The following ESR2 variants were observed in gnomAD, a reference collection of about 807,000 sequenced individuals.
ESR2 encodes estrogen receptor 2.
Under a neutral mutation model 49.6 loss-of-function variants are expected in ESR2, and 36 were observed. That is an observed-to-expected ratio of 0.73 (90% CI 0.56 to 0.96). The LOEUF (loss-of-function observed/expected upper bound fraction) is 0.96, where lower values mean the gene tolerates loss of function less well. Among genes scored for constraint, ESR2 ranks in the 40% least tolerant of loss-of-function variants. ESR2 has a pLI of 0.00. For missense variants in ESR2, 714 were observed against 693.0 expected, an observed-to-expected ratio of 1.03 and a Z score of -0.34; for synonymous variants, 320 against 266.1, an observed-to-expected ratio of 1.20 and a Z score of -1.97.
chr14:64,310,286 A>AAATAATAATAATAATAAT (rs140862502), intron 1 of ESR2, among the ~76,000 whole-genome samples: 2,029 of 142,436 alleles, frequency 0.014, 38 homozygotes, highest in African/African-American at 0.032. Context: ...TCGTCTCAAA[A>AAATAATAATAATAATAAT]AATAATAATA....
At chr14:64,290,513 AT>A (rs2076854833) in intron 1 of ESR2, among the ~76,000 whole-genome samples, 2 of 151,982 alleles carry the variant, frequency 1.3e-5, no homozygotes, top group Admixed American at 1.3e-4. Flanking sequence ...AGCAATTCTC[AT>A]GCCTCAGCCT....
chr14:64,285,144 C>T (rs1000852253), intron 1 of ESR2, among the ~76,000 whole-genome samples: 2 of 152,108 alleles, frequency 1.3e-5, no homozygotes, highest in Admixed American at 6.6e-5. Flanking sequence ...CCACTGTGCC[C>T]GGCCAGCTCT....
chr14:64,254,445 T>C (rs563272984), intron 6 of ESR2, among the ~76,000 whole-genome samples: 1 of 152,134 alleles, frequency 6.6e-6, no homozygotes, highest in Non-Finnish European at 1.5e-5. Flanking sequence ...GTTAATGTGT[T>C]AAAAATACTA....
downstream of ESR2, chr14:64,227,999 G>A (rs1037024677): frequency 3.9e-6 from 6 of 1,543,874 alleles, no homozygotes; most frequent in Middle Eastern, 1.7e-4. Flanking sequence ...TCGATGCACT[G>A]GATACCAGGA....
rs1380688874 is a variant in ESR2, at chr14:64,230,214, AG to A, written c.*2922del. ...CCCTGTCTCAAAAAAAAAAAAAAAA[AG>A]GTGTCAAATCTTATTAAGTGAGGAT... On this transcript the variant is annotated 3_prime_UTR_variant, in exon 9 of 9. Transcript: ENST00000341099. Among the ~76,000 whole-genome samples, 33 of 146,102 alleles carry A rather than the reference AG, an allele frequency of 2.3e-4. No homozygotes were observed. Among genetic ancestry groups the A allele is most frequent in the African/African-American group, 8.1e-4 (32 of 39,366 alleles).
At position 64,310,286 on chromosome 14, in the gene ESR2, A is replaced by AAAAAAAAAAAAAAAAAAAAT. The variant is rs1555595498; in HGVS notation, c.-90-27212_-90-27211insATTTTTTTTTTTTTTTTTTT. ...AGACAAAGTAAGACGTCGTCTCAAA[A>AAAAAAAAAAAAAAAAAAAAT]AATAATAATAATAATAATAATAATA... On this transcript the variant is annotated intron_variant, in intron 1 of 8. Coordinates refer to the ESR2 transcript ENST00000358599. Among the ~76,000 whole-genome samples, 220 of 142,342 alleles carry AAAAAAAAAAAAAAAAAAAAT rather than the reference A, an allele frequency of 1.5e-3. 1 individual carries two copies. Among genetic ancestry groups the AAAAAAAAAAAAAAAAAAAAT allele is most frequent in the African/African-American group, 5.6e-3 (211 of 37,682 alleles). The allele number at this position is 142,342 out of a possible 152,430, so 93.4% of individuals were successfully genotyped here.
chr14:64,237,742 A>C (rs2075635862), intron 7 of ESR2, among the ~76,000 whole-genome samples: 1 of 152,252 alleles, frequency 6.6e-6, no homozygotes, highest in African/African-American at 2.4e-5. Context: ...TGAACCTTGA[A>C]AACATCAGGC....
intron 6 of ESR2, among the ~76,000 whole-genome samples, chr14:64,251,470 C>T (rs913224244): frequency 1.3e-5 from 2 of 152,004 alleles, no homozygotes; most frequent in African/African-American, 4.8e-5. Flanking sequence ...TAAGGGAACC[C>T]ACCTGAAATC....
chr14:64,336,377 A>G (rs2077532256), intron 1 of ESR2: 1 of 152,230 alleles, frequency 6.6e-6, no homozygotes, highest in Admixed American at 6.5e-5. Flanking sequence ...TTATGTATAA[A>G]TATTTCTATC....
At chr14:64,298,624 C>A (rs1201545358), upstream of ESR2, 3 of 152,298 alleles carry the variant, frequency 2.0e-5, no homozygotes, top group South Asian at 2.1e-4. Flanking sequence ...ACAGACCCAA[C>A]CTGATACCTG....
chr14:64,314,877 CAAAAAAAAAA>C lies in ESR2; in HGVS notation c.-91+23011_-91+23020del, dbSNP rs1179436563. Among the ~76,000 whole-genome samples the C allele has an allele frequency of 4.6e-3, 95 of 20,504 alleles. 1 individual carries two copies. Among genetic ancestry groups the C allele is most frequent in the African/African-American group, 0.013 (90 of 7,114 alleles). 13.5% of individuals were successfully genotyped at this position (20,504 alleles called of 152,430 possible). A position where few individuals can be genotyped will look rare whatever the true frequency, so the allele number is the denominator to read the frequency against. Reference sequence around the variant, plus strand: ...TGGGTAACAGAGCAAGACTCCGTCTCAAAAAAAAAAAAAAAAAAAAAAAAAGAAAAATTAA... The same window carrying C: ...TGGGTAACAGAGCAAGACTCCGTCTCAAAAAAAAAAAAAAAGAAAAATTAA... On this transcript the variant is annotated intron_variant, in intron 1 of 8. Transcript: ENST00000358599.
In ESR2 at chr14:64,233,378, C is replaced by T. The variant is rs58213162; in HGVS notation, c.1407-55G>A. ...CTCCTCCGAGGCAGCCACAGGAACC[C>T]CGAAGCCTTCCCCGGCTCTCTTTGC... On this transcript the variant is annotated intron_variant, in intron 8 of 8. Transcript: ENST00000341099. 3.5e-4 allele frequency: 535 copies of T among 1,548,110 alleles called. No individual in the cohort carries two copies. The African/African-American group carries it at 6.4e-3, about 18-fold the overall frequency.
At chr14:64,227,916 GC>G, downstream of ESR2, 2 of 1,597,528 alleles carry the variant, frequency 1.3e-6, no homozygotes, top group Non-Finnish European at 1.7e-6. Context: ...TGAATGAATT[GC>G]TTTTCTCCCC....
chr14:64,318,433 A>G (rs561219312), intron 1 of ESR2, among the ~76,000 whole-genome samples: 10 of 143,504 alleles, frequency 7.0e-5, no homozygotes, highest in Non-Finnish European at 1.4e-4. Flanking sequence ...GCTACTTGGG[A>G]GGCTTAGGCA....
chr14:64,320,722 G>A (rs2077315779), intron 1 of ESR2, among the ~76,000 whole-genome samples: 2 of 151,804 alleles, frequency 1.3e-5, no homozygotes, highest in Non-Finnish European at 2.9e-5. Context: ...GTGAAATCCT[G>A]TCTCTACTAA....
At chr14:64,307,086 AT>A (rs1352094347) in intron 1 of ESR2, among the ~76,000 whole-genome samples, 1 of 151,984 alleles carries the variant, frequency 6.6e-6, no homozygotes, top group Non-Finnish European at 1.5e-5. Context: ...TCTAATTATT[AT>A]TTTAATAGCT....
intron 2 of ESR2, 81 bp downstream of exon 2, chr14:64,282,543 A>T: frequency 1.4e-6 from 2 of 1,398,670 alleles, no homozygotes; most frequent in Non-Finnish European, 1.9e-6. Flanking sequence ...CTTGTCTAAC[A>T]TATTATTTCC....
intron 1 of ESR2, among the ~76,000 whole-genome samples, chr14:64,285,251 T>C (rs1304627502): frequency 2.0e-5 from 3 of 152,168 alleles, no homozygotes; most frequent in Admixed American, 2.0e-4. Context: ...AGATTCATGT[T>C]CTTAAAACCC....
Position 64,252,862 on chromosome 14 carries a change from C to CT in ESR2, c.1092-3184dup, listed in dbSNP as rs372277153. Among the ~76,000 whole-genome samples the CT allele has an allele frequency of 5.8e-3, 851 of 147,540 alleles. 10 individuals are homozygous for CT. The highest frequency in any genetic ancestry group is 0.019 in the African/African-American group (775 of 40,502). ...TATCAAATTTATTACTTGACAATCA[C>CT]TTTTTTTTTTTGAGACAGGGTCTCA... On this transcript the variant is annotated intron_variant, in intron 6 of 8. Transcript: ENST00000341099.
Sources: allele counts gnomAD v4.1 joint callset (sites outside exome capture counted in the v4.1 genomes callset), GRCh38; gene constraint gnomAD v4.1.1; transcripts MANE v1.5; gene names NCBI Gene and HGNC (gene_info 2026-07-23, HGNC 2026-07-21).